The following STARD13 variants were observed in gnomAD, a reference collection of about 807,000 sequenced individuals.
STARD13 encodes the protein stAR-related lipid transfer protein 13.
A neutral mutation model predicts 106.4 loss-of-function variants in STARD13; 62 were observed. That is an observed-to-expected ratio of 0.58 (90% CI 0.48 to 0.72). The LOEUF is 0.72. Among genes scored for constraint, STARD13 ranks in the 30% least tolerant of loss-of-function variants. STARD13 has a pLI of 0.00. For synonymous variants in STARD13, 565 were observed against 553.0 expected (o/e 1.02, Z -0.31); for missense variants, 1,387 against 1,424.0 (o/e 0.97, Z 0.42).
chr13:33,158,221 G>C (rs1025464800), intron 3 of STARD13, among the ~76,000 whole-genome samples: 2 of 152,008 alleles, frequency 1.3e-5, no homozygotes, highest in Non-Finnish European at 2.9e-5. Context: ...GCAAGAGAAA[G>C]CTACACATTT....
At chr13:33,151,757 C>G (rs963710548) in intron 3 of STARD13, among the ~76,000 whole-genome samples, 1 of 152,156 alleles carries the variant, frequency 6.6e-6, no homozygotes, top group Non-Finnish European at 1.5e-5. Flanking sequence ...ATGTAACTGG[C>G]AGCAGGATAG....
At chr13:33,657,908 C>T in the STARD13 span, among the ~76,000 whole-genome samples, 126,229 of 152,266 alleles carry the variant, frequency 0.83, 53,994 homozygotes, top group South Asian at 0.96. Flanking sequence ...TTGACTGTGG[C>T]AAAATATACA....
At chr13:33,570,660 AGTCC>A in the STARD13 span, among the ~76,000 whole-genome samples, 1 of 120,862 alleles carries the variant, frequency 8.3e-6, no homozygotes, top group Non-Finnish European at 1.8e-5. Context: ...CTTCTTTGTT[AGTCC>A]ACAGACAGTT....
At chr13:33,530,043 T>A in the STARD13 span, among the ~76,000 whole-genome samples, 1 of 151,794 alleles carries the variant, frequency 6.6e-6, no homozygotes, top group East Asian at 1.9e-4. Context: ...TATCAAAGAG[T>A]TAAAAAACAT....
intron 3 of STARD13, chr13:33,155,469 CA>C (rs927291848): frequency 2.6e-5 from 4 of 152,096 alleles, no homozygotes; most frequent in African/African-American, 9.7e-5. Flanking sequence ...TTTAATAATG[CA>C]ATACAAACAC....
At chr13:33,380,278 G>C in the STARD13 span, among the ~76,000 whole-genome samples, 1 of 151,986 alleles carries the variant, frequency 6.6e-6, no homozygotes, top group Non-Finnish European at 1.5e-5. Flanking sequence ...AGCCAGGCAT[G>C]GTGGCGGGCG....
chr13:33,416,204 G>T, the STARD13 span, among the ~76,000 whole-genome samples: 1 of 152,022 alleles, frequency 6.6e-6, no homozygotes, highest in Non-Finnish European at 1.5e-5. Flanking sequence ...AAGAAAATGG[G>T]AAAATTAAAA....
the STARD13 span, among the ~76,000 whole-genome samples, chr13:33,469,908 A>G: frequency 6.6e-6 from 1 of 151,956 alleles, no homozygotes; most frequent in African/African-American, 2.4e-5. Flanking sequence ...TGTTTGTTCA[A>G]TTTAAATTTT....
Position 33,109,897 on chromosome 13 carries a change from G to A in STARD13, c.3023C>T (p.Pro1008Leu). ...QYVLNSMAPH[P>L]SRDFVVLRTW... Reference sequence around the variant, plus strand: ...CCTGAGAACCACAAAGTCTCTGGAAGGATGGGGAGCCATGCTGTTCAGCAC... The same window carrying A: ...CCTGAGAACCACAAAGTCTCTGGAAAGATGGGGAGCCATGCTGTTCAGCAC... Residue 1008 changes from proline (P) to leucine (L), a missense_variant, in exon 12 of 14, where the codon CCT becomes CTT. Physicochemically the swap from Pro to Leu is moderately conservative, Grantham distance 98. Coordinates refer to ENST00000336934, the MANE Select transcript of STARD13 (RefSeq NM_178006.4). 1 of 1,614,252 alleles carries A rather than the reference G, an allele frequency of 6.2e-7. No homozygotes were observed. The highest frequency in any genetic ancestry group is 8.5e-7 in the Non-Finnish European group (1 of 1,180,038).
At chr13:33,225,024 T>C (rs1165670477) in intron 1 of STARD13, among the ~76,000 whole-genome samples, 4 of 152,142 alleles carry the variant, frequency 2.6e-5, no homozygotes. Context: ...AAATATAACA[T>C]TAGAATATCT....
At chr13:33,471,003 C>T in the STARD13 span, among the ~76,000 whole-genome samples, 11 of 152,266 alleles carry the variant, frequency 7.2e-5, no homozygotes, top group South Asian at 2.3e-3. Context: ...TTGCCCATGC[C>T]TATGTCCTGA....
chr13:33,297,569 G>T (rs2138451535), intron 1 of STARD13, among the ~76,000 whole-genome samples: 1 of 150,904 alleles, frequency 6.6e-6, no homozygotes, highest in Non-Finnish European at 1.5e-5. Context: ...GACCAAAATT[G>T]TGTGGTATAG....
At chr13:33,497,116 A>C in the STARD13 span, among the ~76,000 whole-genome samples, 1 of 152,166 alleles carries the variant, frequency 6.6e-6, no homozygotes, top group African/African-American at 2.4e-5. Context: ...AATTAGCACG[A>C]CCTCAGAATG....
At chr13:33,434,933 GGAAGGAA>G in the STARD13 span, among the ~76,000 whole-genome samples, 1 of 149,762 alleles carries the variant, frequency 6.7e-6, no homozygotes, top group African/African-American at 2.5e-5. Context: ...AAGGAAGGAA[GGAAGGAA>G]GGAAACTATA....
chr13:33,440,301 C>T, the STARD13 span, among the ~76,000 whole-genome samples: 1 of 151,784 alleles, frequency 6.6e-6, no homozygotes, highest in South Asian at 2.1e-4. Context: ...TACATGATAC[C>T]ATGTGTCTAT....
the STARD13 span, among the ~76,000 whole-genome samples, chr13:33,529,350 A>C: frequency 6.6e-6 from 1 of 152,206 alleles, no homozygotes; most frequent in African/African-American, 2.4e-5. Flanking sequence ...CATATGGAAC[A>C]AGCTTTTGTA....
chr13:33,431,259 A>T, the STARD13 span, among the ~76,000 whole-genome samples: 2 of 152,198 alleles, frequency 1.3e-5, no homozygotes. Context: ...CTGAATTAAG[A>T]TGTGCTGTTA....
At chr13:33,526,746 G>A in the STARD13 span, among the ~76,000 whole-genome samples, 3 of 152,048 alleles carry the variant, frequency 2.0e-5, no homozygotes, top group Non-Finnish European at 2.9e-5. Flanking sequence ...GTTTATAAGG[G>A]TAAAGCACTT....
the STARD13 span, among the ~76,000 whole-genome samples, chr13:33,532,485 A>G: frequency 3.3e-5 from 5 of 152,112 alleles, no homozygotes; most frequent in African/African-American, 7.2e-5. Flanking sequence ...TTATTTCAGG[A>G]AAGTTTTCTT....
Sources: allele counts gnomAD v4.1 joint callset (sites outside exome capture counted in the v4.1 genomes callset), GRCh38; gene constraint gnomAD v4.1.1; transcripts MANE v1.5; gene names NCBI Gene and HGNC (gene_info 2026-07-23, HGNC 2026-07-21).